WDR59: variants seen among roughly 807,000 people sequenced by gnomAD.
WDR59 encodes GATOR2 complex protein WDR59.
A neutral mutation model predicts 131.2 loss-of-function variants in WDR59; 100 were observed. The observed-to-expected ratio is 0.76, with a 90% CI of 0.65 to 0.90. The LOEUF (loss-of-function observed/expected upper bound fraction) is 0.90, where lower values mean the gene tolerates loss of function less well. WDR59 is among the 40% of genes least tolerant of loss of function. The pLI is 0.00. For missense variants in WDR59, 1,203 were observed against 1,262.2 expected, an observed-to-expected ratio of 0.95 and a Z score of 0.71; for synonymous variants, 601 against 466.2, an observed-to-expected ratio of 1.29 and a Z score of -3.72.
At chr16:74,944,483 C>T (rs568781212) in intron 6 of WDR59, among the ~76,000 whole-genome samples, 51 of 149,336 alleles carry the variant, frequency 3.4e-4, no homozygotes, top group Admixed American at 2.1e-3. Context: ...AAAAAAAAAT[C>T]ATTACACCAG....
chr16:74,956,420 C>T (rs1192322185), intron 3 of WDR59, 55 bp downstream of exon 3: 24 of 1,590,056 alleles, frequency 1.5e-5, no homozygotes, highest in Non-Finnish European at 1.9e-5. Context: ...ATAGATCTGC[C>T]AGCCCCAGAT....
At chr16:74,903,658 T>C (rs936563380) in intron 18 of WDR59, among the ~76,000 whole-genome samples, 9 of 152,232 alleles carry the variant, frequency 5.9e-5, no homozygotes, top group Middle Eastern at 6.8e-3. Context: ...CCTGAAATAA[T>C]GGGAATCAAC....
At chr16:74,885,848 T>G in intron 24 of WDR59, 53 bp from the exon 25 acceptor site, 1 of 1,596,394 alleles carries the variant, frequency 6.3e-7, no homozygotes, top group Non-Finnish European at 8.5e-7. Flanking sequence ...AAAACAAGCT[T>G]CATCCTAAAT....
At chr16:74,925,722 A>C (rs1302618955) in intron 8 of WDR59, among the ~76,000 whole-genome samples, 1 of 152,042 alleles carries the variant, frequency 6.6e-6, no homozygotes, top group African/African-American at 2.4e-5. Flanking sequence ...GCAACTCTGC[A>C]TATGTTATAT....
chr16:74,967,772 T>C (rs140395089), intron 1 of WDR59, among the ~76,000 whole-genome samples: 28 of 149,354 alleles, frequency 1.9e-4, no homozygotes, highest in Non-Finnish European at 3.4e-4. Flanking sequence ...GGCAGGAGAA[T>C]CACTTGACCC....
At position 74,984,950 on chromosome 16, in the gene WDR59, G is replaced by A. The variant is rs762762613; in HGVS notation, c.54+14C>T. The A allele has an allele frequency of 1.2e-6, 2 of 1,602,902 alleles. No individual in the cohort carries two copies. The highest frequency in any genetic ancestry group is 1.7e-5 in the Admixed American group (1 of 58,484). ...GACGCATGCCCAGAGGGCTCCACTCGGCCTCTAGCTCACCTGGGAGTCACG... is the reference window on the plus strand; with the variant it reads ...GACGCATGCCCAGAGGGCTCCACTCAGCCTCTAGCTCACCTGGGAGTCACG... On this transcript the variant is annotated intron_variant, in intron 1 of 25. Transcript: ENST00000262144.
At chr16:74,928,880 G>C (rs772780275) in intron 8 of WDR59, among the ~76,000 whole-genome samples, 10 of 152,164 alleles carry the variant, frequency 6.6e-5, no homozygotes, top group African/African-American at 1.2e-4. Flanking sequence ...CTGCACTCCA[G>C]CCTGGATGAT....
At chr16:74,882,008 C>T (rs1185431136) in intron 25 of WDR59, among the ~76,000 whole-genome samples, 1 of 152,020 alleles carries the variant, frequency 6.6e-6, no homozygotes. Context: ...AATTAGGATA[C>T]ATTATTCATC....
chr16:74,984,823 A>G, intron 1 of WDR59, 141 bp downstream of exon 1: 1 of 1,222,772 alleles, frequency 8.2e-7, no homozygotes, highest in Non-Finnish European at 1.1e-6. Context: ...ACGGGGCCTA[A>G]GAGGTCGGCT....
intron 1 of WDR59, among the ~76,000 whole-genome samples, chr16:74,966,679 T>G (rs1307903824): frequency 6.6e-6 from 1 of 152,084 alleles, no homozygotes; most frequent in African/African-American, 2.4e-5. Flanking sequence ...TCAAGCCATA[T>G]GGCAGTTGGC....
intron 1 of WDR59, among the ~76,000 whole-genome samples, chr16:74,969,118 G>C (rs1172148704): frequency 6.6e-6 from 1 of 152,172 alleles, no homozygotes; most frequent in African/African-American, 2.4e-5. Context: ...AGTGAGGAGG[G>C]GAAGCCCTGC....
In WDR59 at chr16:74,888,425, T is replaced by G. The variant is rs139999110; in HGVS notation, c.2196-106A>C. 575 of 1,195,704 alleles carry G rather than the reference T, an allele frequency of 4.8e-4. 4 individuals carry two copies. In the African/African-American group the frequency reaches 8.3e-3, roughly 17 times the overall value. The allele number at this position is 1,195,704 out of a possible 1,614,324, so 74.1% of individuals were successfully genotyped here. On this transcript the variant is annotated intron_variant, in intron 21 of 25. Coordinates refer to ENST00000262144, the MANE Select transcript of WDR59 (RefSeq NM_030581.4). ...TGCCACAGGGGTGGGAAGGGAGGAG[T>G]CTTGATTCTGCCTCAAAAACCCATC...
intron 1 of WDR59, among the ~76,000 whole-genome samples, chr16:74,983,923 G>A (rs1281231987): frequency 6.6e-6 from 1 of 152,072 alleles, no homozygotes; most frequent in East Asian, 1.9e-4. Flanking sequence ...AAGCTGAACT[G>A]AGCGGTGATT....
intron 1 of WDR59, among the ~76,000 whole-genome samples, chr16:74,976,254 C>T (rs1345468204): frequency 6.6e-6 from 1 of 152,038 alleles, no homozygotes; most frequent in Non-Finnish European, 1.5e-5. Context: ...GAGTAAAACA[C>T]AGTCCTCAAT....
chr16:74,886,859 G>A (rs1489361550), intron 23 of WDR59, among the ~76,000 whole-genome samples: 1 of 152,140 alleles, frequency 6.6e-6, no homozygotes, highest in African/African-American at 2.4e-5. Flanking sequence ...GGAGGCAGAG[G>A]GGGCAGTGAG....
At position 74,970,476 on chromosome 16, in the gene WDR59, CAG is replaced by C. The variant is rs1424025024; in HGVS notation, c.55-4656_55-4655del. On this transcript the variant is annotated intron_variant, in intron 1 of 25. Transcript: ENST00000262144. ...CGCCACTGCACTCCAGCCTGGGTGACAGAGAGAGACTCTGTCTCCAAAAAAAA... is the reference window on the plus strand; with the variant it reads ...CGCCACTGCACTCCAGCCTGGGTGACAGAGAGACTCTGTCTCCAAAAAAAA... 2.5e-5 allele frequency among the ~76,000 whole-genome samples: 3 copies of C among 119,920 alleles called. 1 individual carries two copies. Among genetic ancestry groups the C allele is most frequent in the South Asian group, 5.3e-4 (2 of 3,762 alleles). 78.7% of individuals were successfully genotyped at this position (119,920 alleles called of 152,430 possible). A position where few individuals can be genotyped will look rare whatever the true frequency, so the allele number is the denominator to read the frequency against.
At chr16:74,951,017 G>A (rs573387549) in intron 4 of WDR59, among the ~76,000 whole-genome samples, 10 of 151,488 alleles carry the variant, frequency 6.6e-5, no homozygotes, top group South Asian at 4.2e-4. Flanking sequence ...AAAATTAGCC[G>A]GGCGTGGTGG....
intron 1 of WDR59, among the ~76,000 whole-genome samples, chr16:74,981,539 C>T (rs1332125079): frequency 6.8e-6 from 1 of 146,144 alleles, no homozygotes; most frequent in African/African-American, 2.5e-5. Flanking sequence ...GCCTGGGTGA[C>T]AGAGCAAGAC....
At chr16:74,945,681 G>T (rs951114004) in intron 6 of WDR59, among the ~76,000 whole-genome samples, 1 of 152,020 alleles carries the variant, frequency 6.6e-6, no homozygotes, top group African/African-American at 2.4e-5. Context: ...AAGCACAGGG[G>T]TTTGATTCAT....
Sources: gnomAD v4.1 joint callset for allele counts (sites outside exome capture counted in the v4.1 genomes callset) on GRCh38, gnomAD v4.1.1 for gene constraint, MANE v1.5 for transcripts, NCBI Gene and HGNC (gene_info 2026-07-23, HGNC 2026-07-21) for gene names.